GEN1: variants seen among roughly 807,000 people sequenced by gnomAD.
The protein encoded by GEN1 is GEN1 structure-specific endonuclease.
A neutral mutation model predicts 67.6 loss-of-function variants in GEN1; 64 were observed. The ratio of observed to expected loss-of-function variants is 0.95; its 90% confidence interval spans 0.77 to 1.17. GEN1 has a LOEUF of 1.17. Ranked by LOEUF, GEN1 falls within the 50% of genes most tolerant of loss-of-function variation. The pLI is 0.00. For synonymous variants in GEN1, 371 were observed against 359.4 expected, an observed-to-expected ratio of 1.03 and a Z score of -0.37; for missense variants, 1,058 against 1,048.3, an observed-to-expected ratio of 1.01 and a Z score of -0.13.
At chr2:17,775,517 T>C (rs1672384827) in intron 11 of GEN1, among the ~76,000 whole-genome samples, 1 of 152,184 alleles carries the variant, frequency 6.6e-6, no homozygotes, top group African/African-American at 2.4e-5. Flanking sequence ...TCGCAATACA[T>C]GAAATACCCA....
rs1672560467 is a variant in GEN1 at position 17,778,209 on chromosome 2, T to TATATATACACACACATATATGTGTGTAC, written c.1264+152_1264+153insACACACACATATATGTGTGTACATATAT. The TATATATACACACACATATATGTGTGTAC allele has an allele frequency of 1.3e-5, 3 of 229,894 alleles. 1 individual carries two copies. The African/African-American group carries it at 1.5e-4, about 12-fold the overall frequency. The allele number at this position is 229,894 out of a possible 1,614,324, so 14.2% of individuals were successfully genotyped here. On this transcript the variant is annotated intron_variant, in intron 12 of 13. Coordinates refer to ENST00000381254, the MANE Select transcript of GEN1 (RefSeq NM_001130009.3). ...ATATACACACACACATATATGTGTA[T>TATATATACACACACATATATGTGTGTAC]ATATATGTATACACACACATATATG... is the stretch of plus-strand genomic sequence containing the variant.
chr2:17,774,725 C>T (rs1192012110), intron 11 of GEN1, among the ~76,000 whole-genome samples: 1 of 151,306 alleles, frequency 6.6e-6, no homozygotes, highest in Non-Finnish European at 1.5e-5. Flanking sequence ...ACTGGTTTTG[C>T]AGAGCCTTAA....
upstream of GEN1, chr2:17,753,611 GCGC>G (rs1224160797): frequency 6.6e-6 from 1 of 152,300 alleles, no homozygotes; most frequent in East Asian, 1.9e-4. Flanking sequence ...GCGACAGCGC[GCGC>G]CTTCACCCTA....
intron 11 of GEN1, among the ~76,000 whole-genome samples, chr2:17,777,297 A>G (rs1175395868): frequency 2.0e-5 from 3 of 152,176 alleles, no homozygotes; most frequent in Non-Finnish European, 2.9e-5. Flanking sequence ...GTATATAAAT[A>G]TTTGTATAAT....
rs988025542 is a variant in GEN1 at position 17,785,454 on chromosome 2, A to G, written c.*3515A>G. The G allele has an allele frequency of 1.3e-5, 2 of 152,272 alleles. No individual in the cohort carries two copies. The highest frequency in any genetic ancestry group is 2.9e-5 in the Non-Finnish European group (2 of 68,114). The allele number at this position is 152,272 out of a possible 1,614,324, so 9.4% of individuals were successfully genotyped here. A position where few individuals can be genotyped will look rare whatever the true frequency, so the allele number is the denominator to read the frequency against. On this transcript the variant is annotated 3_prime_UTR_variant, in exon 14 of 14. Transcript: ENST00000381254. ...TGCTTCCCTTTGAAATACTCTGCCA[A>G]AGATCTGCCTCCAGCTGCTAGGATC...
chr2:17,770,557 G>A (rs1672132623), intron 6 of GEN1, among the ~76,000 whole-genome samples: 1 of 152,024 alleles, frequency 6.6e-6, no homozygotes, highest in Non-Finnish European at 1.5e-5. Flanking sequence ...ACCCTTTGTG[G>A]CTTTATGTTA....
Position 17,774,252 on chromosome 2 carries a change from A to G in GEN1, c.1072-19A>G. 2 of 1,401,130 alleles carry G rather than the reference A, an allele frequency of 1.4e-6. No individual in the cohort carries two copies. 86.8% of individuals were successfully genotyped at this position (1,401,130 alleles called of 1,614,324 possible). A position where few individuals can be genotyped will look rare whatever the true frequency, so the allele number is the denominator to read the frequency against. ...CCAAGAGATAACAAAATCTTGTTTTATTTTTATTATATTTATAGAGATTTA... is the reference window on the plus strand; with the variant it reads ...CCAAGAGATAACAAAATCTTGTTTTGTTTTTATTATATTTATAGAGATTTA... On this transcript the variant is annotated intron_variant, in intron 10 of 13. Coordinates refer to ENST00000381254, the MANE Select transcript of GEN1 (RefSeq NM_001130009.3).
At position 17,780,848 on chromosome 2, in the gene GEN1, T is replaced by G; in HGVS notation, c.1636T>G (p.Ser546Ala). ...PCLNAQEQFMSSLRPLAIQQI... is the reference protein window; with the variant it reads ...PCLNAQEQFMASLRPLAIQQI... ...TTTGAATGCACAAGAACAGTTCATGTCTTCTCTAAGACCTTTGGCTATACA... is the reference window on the plus strand; with the variant it reads ...TTTGAATGCACAAGAACAGTTCATGGCTTCTCTAAGACCTTTGGCTATACA... The change falls in exon 14 of 14, where the codon TCT (serine) becomes GCT (alanine). Residue 546 changes from serine (S) to alanine (A), a missense_variant. By Grantham distance (99) the Ser-to-Ala change is moderately conservative. Transcript: ENST00000381254. The G allele has an allele frequency of 6.2e-7, 1 of 1,614,014 alleles. No individual in the cohort carries two copies. Among genetic ancestry groups the G allele is most frequent in the Non-Finnish European group, 8.5e-7 (1 of 1,179,920 alleles).
At chr2:17,780,594 G>T in intron 13 of GEN1, 27 bp from the exon 14 acceptor site, 3 of 1,356,094 alleles carry the variant, frequency 2.2e-6, no homozygotes, top group Non-Finnish European at 3.0e-6. Context: ...AATAAATGTT[G>T]ATTATATGTA....
chr2:17,761,868 G>A lies in GEN1; in HGVS notation c.348+286G>A, dbSNP rs577868190. On this transcript the variant is annotated intron_variant, in intron 3 of 13. Transcript: ENST00000381254. ...CAGCAGGGATGTGATAAAAATAAGA[G>A]AAAGTATATCTAAAGCAACTAGTAC... Among the ~76,000 whole-genome samples, 40 of 152,222 alleles carry A rather than the reference G, an allele frequency of 2.6e-4. No homozygotes were observed. In the East Asian group the frequency reaches 7.1e-3, roughly 27 times the overall value.
intron 12 of GEN1, among the ~76,000 whole-genome samples, chr2:17,779,648 C>A (rs1672730553): frequency 6.6e-6 from 1 of 151,766 alleles, no homozygotes; most frequent in Non-Finnish European, 1.5e-5. Flanking sequence ...GTTGCCCAGG[C>A]TGGAGTGTAG....
At chr2:17,768,884 A>G in intron 6 of GEN1, 73 bp downstream of exon 6, 1 of 836,354 alleles carries the variant, frequency 1.2e-6, no homozygotes, top group Non-Finnish European at 1.9e-6. Flanking sequence ...ATAGTACAGG[A>G]AACAATTGTT....
intron 5 of GEN1, among the ~76,000 whole-genome samples, chr2:17,767,417 A>T (rs891285747): frequency 2.0e-4 from 30 of 152,202 alleles, no homozygotes; most frequent in Non-Finnish European, 3.5e-4. Flanking sequence ...AAGAAGAATG[A>T]CATGTAATTT....
At position 17,781,851 on chromosome 2, in the gene GEN1, G is replaced by A. The variant is rs1347653127; in HGVS notation, c.2639G>A (p.Cys880Tyr). ...AAAAGTTCTCTGAGTTCTCTACAAT[G>A]TCATAAGAAAGAAAACAACTCTGGT... ...STKSSLSSLQ[C>Y]HKKENNSGTC... Residue 880 changes from cysteine to tyrosine, a missense_variant, in exon 14 of 14, where the codon TGT becomes TAT. Cys to Tyr is a radical substitution (Grantham distance 194, BLOSUM62 -2). Transcript: ENST00000381254. The A allele has an allele frequency of 6.3e-7, 1 of 1,597,682 alleles. No individual in the cohort carries two copies. Among genetic ancestry groups the A allele is most frequent in the African/African-American group, 1.4e-5 (1 of 73,832 alleles).
chr2:17,778,978 C>T (rs146765904), intron 12 of GEN1, among the ~76,000 whole-genome samples: 1 of 152,168 alleles, frequency 6.6e-6, no homozygotes, highest in Non-Finnish European at 1.5e-5. Context: ...CTGGAGAGTG[C>T]AGTGGCACCA....
At chr2:17,756,942 G>A (rs1445634275) in intron 1 of GEN1, among the ~76,000 whole-genome samples, 1 of 152,164 alleles carries the variant, frequency 6.6e-6, no homozygotes, top group Non-Finnish European at 1.5e-5. Context: ...AACAGCTGGT[G>A]CAAAGAACAT....
chr2:17,780,268 A>C (rs1416827137), intron 13 of GEN1, 147 bp downstream of exon 13: 2 of 684,890 alleles, frequency 2.9e-6, no homozygotes, highest in Non-Finnish European at 4.8e-6. Flanking sequence ...CTTTGTCTTC[A>C]CATACTTTCT....
At chr2:17,776,428 A>C (rs371075270) in intron 11 of GEN1, among the ~76,000 whole-genome samples, 29 of 152,272 alleles carry the variant, frequency 1.9e-4, no homozygotes, top group African/African-American at 7.0e-4. Flanking sequence ...GCAATGTAGG[A>C]AAATACTCTA....
chr2:17,777,604 G>C (rs1672496300), intron 11 of GEN1, among the ~76,000 whole-genome samples: 1 of 151,996 alleles, frequency 6.6e-6, no homozygotes, highest in Non-Finnish European at 1.5e-5. Flanking sequence ...AGATTATATT[G>C]GATAAGTAAA....
Sources: allele counts gnomAD v4.1 joint callset (sites outside exome capture counted in the v4.1 genomes callset), GRCh38; gene constraint gnomAD v4.1.1; transcripts MANE v1.5; gene names NCBI Gene and HGNC (gene_info 2026-07-23, HGNC 2026-07-21).